UBE2E2: variants seen among roughly 807,000 people sequenced by gnomAD.
UBE2E2 encodes the protein ubiquitin conjugating enzyme E2 E2, also known as ubiquitin-conjugating enzyme E2 E2.
A neutral mutation model predicts 24.7 loss-of-function variants in UBE2E2; 6 were observed. The ratio of observed to expected loss-of-function variants is 0.24; its 90% CI spans 0.13 to 0.48. The LOEUF (loss-of-function observed/expected upper bound fraction) is 0.48, where lower values mean the gene tolerates loss of function less well. Ranked by LOEUF, UBE2E2 falls within the 20% of genes least tolerant of loss-of-function variation. The pLI is 0.99. For missense variants in UBE2E2, 169 were observed against 245.0 expected (o/e 0.69, Z 2.07); for synonymous variants, 104 against 83.6 (o/e 1.24, Z -1.33).
At chr3:23,454,400 G>C (rs1281237724) in intron 3 of UBE2E2, among the ~76,000 whole-genome samples, 1 of 152,188 alleles carries the variant, frequency 6.6e-6, no homozygotes, top group Admixed American at 6.5e-5. Context: ...AAAGCTGAGA[G>C]TTGGGTAAGA....
At chr3:23,519,688 T>C (rs1694816229) in intron 4 of UBE2E2, among the ~76,000 whole-genome samples, 1 of 152,200 alleles carries the variant, frequency 6.6e-6, no homozygotes, top group Non-Finnish European at 1.5e-5. Flanking sequence ...TTTTTTGTTT[T>C]GTTTTTGAGA....
intron 5 of UBE2E2, among the ~76,000 whole-genome samples, chr3:23,539,603 T>C (rs1334354655): frequency 1.3e-5 from 2 of 152,244 alleles, no homozygotes; most frequent in Non-Finnish European, 2.9e-5. Flanking sequence ...CTGTCAACTT[T>C]ACTTGACCTA....
At chr3:23,386,442 G>C (rs942018848) in intron 3 of UBE2E2, among the ~76,000 whole-genome samples, 2 of 152,210 alleles carry the variant, frequency 1.3e-5, no homozygotes, top group East Asian at 3.9e-4. Flanking sequence ...GCGGGGACAC[G>C]AACATTCGGA....
chr3:23,450,174 A>G (rs1162191549), intron 3 of UBE2E2, among the ~76,000 whole-genome samples: 1 of 152,200 alleles, frequency 6.6e-6, no homozygotes, highest in African/African-American at 2.4e-5. Context: ...ATTTGTTTGG[A>G]TAAAGAGGTT....
intron 3 of UBE2E2, among the ~76,000 whole-genome samples, chr3:23,459,246 A>AT (rs1335048546): frequency 6.6e-6 from 1 of 152,298 alleles, no homozygotes; most frequent in South Asian, 2.1e-4. Context: ...AGTTTTTGGA[A>AT]TTTTTTTATG....
chr3:23,427,101 C>A (rs1260816784), intron 3 of UBE2E2, among the ~76,000 whole-genome samples: 1 of 151,594 alleles, frequency 6.6e-6, no homozygotes, highest in African/African-American at 2.4e-5. Context: ...ATTTTGCAAA[C>A]CCTAGGAGAA....
At chr3:23,259,134 A>G (rs1697829299) in intron 3 of UBE2E2, among the ~76,000 whole-genome samples, 1 of 152,140 alleles carries the variant, frequency 6.6e-6, no homozygotes, top group Non-Finnish European at 1.5e-5. Context: ...AGTGTGGAAC[A>G]GGGGCATAAA....
At chr3:23,387,996 A>G (rs542719579) in intron 3 of UBE2E2, among the ~76,000 whole-genome samples, 1 of 152,316 alleles carries the variant, frequency 6.6e-6, no homozygotes, top group South Asian at 2.1e-4. Flanking sequence ...ATAGCCATTA[A>G]AGAGGACAAA....
rs140429435 is a variant in UBE2E2 at position 23,573,778 on chromosome 3, C to T, written c.509-15956C>T. Among the ~76,000 whole-genome samples the T allele has an allele frequency of 1.4e-3, 216 of 152,232 alleles. 5 individuals carry two copies. In the East Asian group the frequency reaches 0.015, roughly 11 times the overall value. On this transcript the variant is annotated intron_variant, in intron 5 of 5. Coordinates refer to ENST00000396703, the MANE Select transcript of UBE2E2 (RefSeq NM_152653.4). The stretch of plus-strand genomic sequence containing the variant: ...CTGCTTGTTGTCAGCTGATTAAAAG[C>T]GTGGATTTTGTGGGCAATGTACGCC...
intron 2 of UBE2E2, among the ~76,000 whole-genome samples, chr3:23,209,910 GGAGCTGTTTGAAAGTCAGA>G (rs1434616313): frequency 6.6e-6 from 1 of 152,104 alleles, no homozygotes; most frequent in African/African-American, 2.4e-5. Context: ...CTCTGTTGAA[GGAGCTGTTTGAAAGTCAGA>G]GAGCCCTGAA....
intron 3 of UBE2E2, among the ~76,000 whole-genome samples, chr3:23,409,304 G>T (rs1047677337): frequency 1.2e-4 from 18 of 152,132 alleles, no homozygotes; most frequent in African/African-American, 4.3e-4. Context: ...GAAAGAAAAC[G>T]TTCCATGGCT....
At chr3:23,403,786 C>T (rs1428538634) in intron 3 of UBE2E2, among the ~76,000 whole-genome samples, 13 of 133,634 alleles carry the variant, frequency 9.7e-5, no homozygotes, top group Admixed American at 3.4e-4. Context: ...ATTGCCTGGG[C>T]GACAAAGTGA....
At chr3:23,385,457 A>G (rs1696785472) in intron 3 of UBE2E2, among the ~76,000 whole-genome samples, 1 of 152,050 alleles carries the variant, frequency 6.6e-6, no homozygotes, top group Non-Finnish European at 1.5e-5. Flanking sequence ...TCTGTCACCT[A>G]TTTTCAATAG....
intron 5 of UBE2E2, among the ~76,000 whole-genome samples, chr3:23,548,036 C>T (rs1384061483): frequency 6.6e-6 from 1 of 152,168 alleles, no homozygotes; most frequent in African/African-American, 2.4e-5. Context: ...AGACTCTCTC[C>T]TCTGCCTGCC....
intron 3 of UBE2E2, among the ~76,000 whole-genome samples, chr3:23,382,420 A>G (rs985808019): frequency 3.9e-5 from 6 of 152,000 alleles, no homozygotes; most frequent in Non-Finnish European, 8.8e-5. Context: ...AACCTCGGGT[A>G]ATCCGCCCAC....
intron 3 of UBE2E2, among the ~76,000 whole-genome samples, chr3:23,350,452 A>C (rs1478342460): frequency 6.6e-6 from 1 of 152,236 alleles, no homozygotes; most frequent in Non-Finnish European, 1.5e-5. Context: ...TACAGGAGGA[A>C]ATTCAAACCA....
rs373869703 is a variant in UBE2E2, at chr3:23,299,879, T to C, written c.227+82567T>C. ...TCGTTGATCTGTCTAATGTTGACAG[T>C]GGGGTGTTAAAGTCTCCCATTATTA... On this transcript the variant is annotated intron_variant, in intron 3 of 5. Coordinates refer to ENST00000396703, the MANE Select transcript of UBE2E2 (RefSeq NM_152653.4). Among the ~76,000 whole-genome samples the C allele has an allele frequency of 8.7e-3, 1,330 of 152,216 alleles. 14 individuals are homozygous for C. Among genetic ancestry groups the C allele is most frequent in the South Asian group, 0.03 (144 of 4,814 alleles).
intron 5 of UBE2E2, among the ~76,000 whole-genome samples, chr3:23,581,311 A>T (rs952079080): frequency 5.3e-5 from 8 of 152,154 alleles, no homozygotes; most frequent in Non-Finnish European, 1.5e-5. Context: ...GGGCTTATTT[A>T]AAAAGCTGAA....
intron 3 of UBE2E2, among the ~76,000 whole-genome samples, chr3:23,415,700 A>G (rs968629742): frequency 2.0e-5 from 3 of 152,308 alleles, no homozygotes; most frequent in Non-Finnish European, 4.4e-5. Flanking sequence ...TGTAGGTCAT[A>G]TCAGTAAATA....
Sources: gnomAD v4.1 joint callset for allele counts (sites outside exome capture counted in the v4.1 genomes callset) on GRCh38, gnomAD v4.1.1 for gene constraint, MANE v1.5 for transcripts, NCBI Gene and HGNC (gene_info 2026-07-23, HGNC 2026-07-21) for gene names.